Variants in ASCL5 observed in about 807,000 individuals in gnomAD.
The protein encoded by ASCL5 is achaete-scute homolog 5.
For missense variants in ASCL5, 262 were observed against 268.9 expected, an observed-to-expected ratio of 0.97 and a Z score of 0.18; for synonymous variants, 124 against 131.5, an observed-to-expected ratio of 0.94 and a Z score of 0.39.
In ASCL5 at chr1:201,114,866, G is replaced by C; in HGVS notation, c.507C>G (p.Pro169=). The C allele has an allele frequency of 1.6e-6, 2 of 1,228,644 alleles. No homozygotes were observed. The highest frequency in any genetic ancestry group is 4.2e-5 in the Admixed American group (1 of 23,582). The allele number at this position is 1,228,644 out of a possible 1,614,324, so 76.1% of individuals were successfully genotyped here. A position where few individuals can be genotyped will look rare whatever the true frequency, so the allele number is the denominator to read the frequency against. ...PCPAPPATPR[P]DRPGDGEARA... is the part of the protein sequence containing the mutation. ...GGGCCTCGCCGTCGCCAGGGCGGTC[G>C]GGACGGGGGGTGGCGGGCGGCGCGG... Residue 169 remains proline (P), a synonymous_variant, in exon 2 of 2, where the codon CCC becomes CCG. Transcript: ENST00000449188.
intron 1 of ASCL5, among the ~76,000 whole-genome samples, chr1:201,116,840 A>AT (rs1663358879): frequency 6.6e-6 from 1 of 151,848 alleles, no homozygotes; most frequent in African/African-American, 2.4e-5. Context: ...CTACTCTATT[A>AT]TTTTTTCCCT....
At chr1:201,126,058 G>C (rs1167775989) in intron 1 of ASCL5, among the ~76,000 whole-genome samples, 2 of 152,178 alleles carry the variant, frequency 1.3e-5, no homozygotes, top group African/African-American at 4.8e-5. Flanking sequence ...GAAGGAGACT[G>C]TTATTTACTA....
intron 1 of ASCL5, among the ~76,000 whole-genome samples, chr1:201,124,275 T>C (rs112220417): frequency 7.9e-5 from 12 of 152,262 alleles, no homozygotes; most frequent in African/African-American, 2.2e-4. Context: ...AGAGCTGGGT[T>C]CACAGGCTAG....
chr1:201,116,193 G>A (rs78013107), intron 1 of ASCL5, among the ~76,000 whole-genome samples: 11,067 of 152,314 alleles, frequency 0.073, 542 homozygotes, highest in Non-Finnish European at 0.11. Context: ...AAAATGCCCA[G>A]TTTTGTCATG....
intron 1 of ASCL5, among the ~76,000 whole-genome samples, chr1:201,118,179 T>C (rs1663382209): frequency 6.6e-6 from 1 of 152,202 alleles, no homozygotes; most frequent in African/African-American, 2.4e-5. Context: ...CTGTCTTTAC[T>C]GTTAGAAAAG....
In ASCL5 at chr1:201,115,301, G is replaced by A; in HGVS notation, c.72C>T (p.Gly24=). 4 of 1,228,454 alleles carry A rather than the reference G, an allele frequency of 3.3e-6. No individual in the cohort carries two copies. The highest frequency in any genetic ancestry group is 4.1e-5 in the South Asian group (1 of 24,268). The allele number at this position is 1,228,454 out of a possible 1,614,324, so 76.1% of individuals were successfully genotyped here. A position where few individuals can be genotyped will look rare whatever the true frequency, so the allele number is the denominator to read the frequency against. ...PLGPPSCMQL[G]VMPPPRQAPL... ...GCGCCTGCCGGGGAGGGGGCATGAC[G>A]CCCAGCTGCATGCAGCTGGGGGGCC... The change falls in exon 2 of 2, where the codon GGC becomes GGT. Residue 24 remains glycine (G), a synonymous_variant. Coordinates refer to ENST00000449188, the MANE Select transcript of ASCL5 (RefSeq NM_001270601.2).
At chr1:201,125,244 A>T (rs891623542) in intron 1 of ASCL5, among the ~76,000 whole-genome samples, 16 of 152,178 alleles carry the variant, frequency 1.1e-4, no homozygotes, top group African/African-American at 3.6e-4. Context: ...CGTGGCTGGG[A>T]AGTGCTCAGT....
chr1:201,116,478 A>T (rs1663352057), intron 1 of ASCL5, among the ~76,000 whole-genome samples: 1 of 151,944 alleles, frequency 6.6e-6, no homozygotes, highest in Non-Finnish European at 1.5e-5. Flanking sequence ...GGGTTTCTCC[A>T]TGGCACCTAA....
chr1:201,117,360 T>C (rs1027970907), intron 1 of ASCL5, among the ~76,000 whole-genome samples: 6 of 152,042 alleles, frequency 3.9e-5, no homozygotes, highest in Admixed American at 3.9e-4. Flanking sequence ...CGCCTGAACC[T>C]GGGAGGTGGA....
chr1:201,118,533 T>G (rs534412901), intron 1 of ASCL5, among the ~76,000 whole-genome samples: 1 of 147,952 alleles, frequency 6.8e-6, no homozygotes, highest in Non-Finnish European at 1.5e-5. Context: ...CAAGATACCA[T>G]AGGGGGGTAC....
At chr1:201,120,111 A>C (rs1242039232) in intron 1 of ASCL5, among the ~76,000 whole-genome samples, 1 of 152,174 alleles carries the variant, frequency 6.6e-6, no homozygotes, top group Non-Finnish European at 1.5e-5. Flanking sequence ...TACCATGTAC[A>C]GTTAGTTTGT....
At chr1:201,121,213 C>A (rs1276248446) in intron 1 of ASCL5, among the ~76,000 whole-genome samples, 1 of 152,190 alleles carries the variant, frequency 6.6e-6, no homozygotes, top group East Asian at 1.9e-4. Context: ...CCCAATGGAA[C>A]CACAGAACAC....
At chr1:201,122,994 T>C (rs1572086210) in intron 1 of ASCL5, among the ~76,000 whole-genome samples, 1 of 152,304 alleles carries the variant, frequency 6.6e-6, no homozygotes, top group African/African-American at 2.4e-5. Flanking sequence ...GAATTAATGG[T>C]AGCTCTTATT....
chr1:201,115,083 T>A lies in ASCL5; in HGVS notation c.290A>T (p.Lys97Met). Residue 97 changes from lysine to methionine, a missense_variant, in exon 2 of 2, where the codon AAG (lysine) becomes ATG (methionine). Transcript: ENST00000449188. ...KRNERERQRVKCVNEGYARLR... is the reference protein window; with the variant it reads ...KRNERERQRVMCVNEGYARLR... ...GCGAGCGTAGCCCTCGTTGACGCAC[T>A]TGACTCGCTGCCTCTCGCGCTCGTT... 8.1e-7 allele frequency: 1 copy of A among 1,231,898 alleles called. No individual in the cohort carries two copies. The highest frequency in any genetic ancestry group is 1.0e-6 in the Non-Finnish European group (1 of 988,120). 76.3% of individuals were successfully genotyped at this position (1,231,898 alleles called of 1,614,324 possible).
intron 1 of ASCL5, among the ~76,000 whole-genome samples, chr1:201,119,723 T>C (rs1334797950): frequency 6.6e-6 from 1 of 152,176 alleles, no homozygotes; most frequent in Non-Finnish European, 1.5e-5. Context: ...AAAATAGCAG[T>C]TGCATCAGCA....
In ASCL5 at chr1:201,114,129, C is replaced by G. The variant is rs544887237; in HGVS notation, c.*623G>C. ...GGGATGCGGGGAGGGAGTAACCCCC[C>G]CTCCCAACCCAGGAAGCCAGAGAAC... On this transcript the variant is annotated 3_prime_UTR_variant, in exon 2 of 2. Coordinates refer to ENST00000449188, the MANE Select transcript of ASCL5 (RefSeq NM_001270601.2). 1.3e-5 allele frequency: 2 copies of G among 152,312 alleles called. No individual in the cohort carries two copies. The highest frequency in any genetic ancestry group is 1.9e-4 in the East Asian group (1 of 5,190). The allele number at this position is 152,312 out of a possible 1,614,324, so 9.4% of individuals were successfully genotyped here. A position where few individuals can be genotyped will look rare whatever the true frequency, so the allele number is the denominator to read the frequency against.
intron 1 of ASCL5, among the ~76,000 whole-genome samples, chr1:201,123,243 T>C (rs1170560065): frequency 6.6e-6 from 1 of 152,254 alleles, no homozygotes; most frequent in Non-Finnish European, 1.5e-5. Flanking sequence ...CAAATAATTC[T>C]AATAAATTGA....
chr1:201,116,067 G>A (rs933654832), intron 1 of ASCL5, among the ~76,000 whole-genome samples, 190 bp from the exon 2 acceptor site: 1 of 152,196 alleles, frequency 6.6e-6, no homozygotes, highest in South Asian at 2.1e-4. Context: ...ACTCTGAGTC[G>A]TGGTTTCCAT....
chr1:201,118,306 C>T (rs1663386742), intron 1 of ASCL5, among the ~76,000 whole-genome samples: 1 of 152,030 alleles, frequency 6.6e-6, no homozygotes, highest in Admixed American at 6.6e-5. Context: ...ATGGCAAAAC[C>T]CTGTCTCTAC....
Sources: allele counts gnomAD v4.1 joint callset (sites outside exome capture counted in the v4.1 genomes callset), GRCh38; gene constraint gnomAD v4.1.1; transcripts MANE v1.5; gene names NCBI Gene and HGNC (gene_info 2026-07-23, HGNC 2026-07-21).